The following SENP8 variants were observed in gnomAD, a reference collection of about 807,000 sequenced individuals.
The protein encoded by SENP8 is SUMO peptidase family member, NEDD8 specific, also known as sentrin-specific protease 8.
A neutral mutation model predicts 14.4 loss-of-function variants in SENP8; 10 were observed. That is an observed-to-expected ratio of 0.69 (90% CI 0.43 to 1.18). The LOEUF (loss-of-function observed/expected upper bound fraction) is 1.18, where lower values mean the gene tolerates loss of function less well. SENP8 is among the 50% of genes most tolerant of loss of function. The pLI is 0.00. For missense variants in SENP8, 202 were observed against 249.4 expected (o/e 0.81, Z 1.28); for synonymous variants, 94 against 95.5 (o/e 0.98, Z 0.09).
intron 1 of SENP8, among the ~76,000 whole-genome samples, chr15:72,125,403 G>A (rs112296116): frequency 6.6e-6 from 1 of 151,704 alleles, no homozygotes; most frequent in African/African-American, 2.4e-5. Context: ...CTTTTCATGT[G>A]TTTATTGACT....
At chr15:72,120,190 A>G (rs1250231448) in intron 1 of SENP8, among the ~76,000 whole-genome samples, 1 of 152,278 alleles carries the variant, frequency 6.6e-6, no homozygotes, top group Non-Finnish European at 1.5e-5. Context: ...GTAATGAGAT[A>G]TAAAGATATT....
chr15:72,125,641 C>T (rs2925651), intron 1 of SENP8, among the ~76,000 whole-genome samples: 2,439 of 150,882 alleles, frequency 0.016, 73 homozygotes, highest in African/African-American at 0.054. Flanking sequence ...AGATATTCCT[C>T]CAAAAAAAAG....
At chr15:72,115,068 T>C (rs562717061), upstream of SENP8, among the ~76,000 whole-genome samples, 1 of 152,158 alleles carries the variant, frequency 6.6e-6, no homozygotes, top group Non-Finnish European at 1.5e-5. Flanking sequence ...ACTACTAAAA[T>C]AACTAAGGGA....
At chr15:72,128,176 T>C (rs761776106) in intron 1 of SENP8, among the ~76,000 whole-genome samples, 2 of 152,102 alleles carry the variant, frequency 1.3e-5, no homozygotes, top group African/African-American at 2.4e-5. Context: ...AGAAAAAAAC[T>C]AACTCTTGGA....
At chr15:72,122,734 G>A (rs2081180076) in intron 1 of SENP8, among the ~76,000 whole-genome samples, 1 of 152,212 alleles carries the variant, frequency 6.6e-6, no homozygotes, top group Non-Finnish European at 1.5e-5. Flanking sequence ...TTTTGCGGGA[G>A]GAGGAGGAGT....
Position 72,121,819 on chromosome 15 carries a change from A to G in SENP8, c.-48+3355A>G, listed in dbSNP as rs887928684. Among the ~76,000 whole-genome samples, 11 of 152,356 alleles carry G rather than the reference A, an allele frequency of 7.2e-5. No individual in the cohort carries two copies. The South Asian group carries it at 1.0e-3, about 14-fold the overall frequency. On this transcript the variant is annotated intron_variant, in intron 1 of 1. Coordinates refer to ENST00000340912, the MANE Select transcript of SENP8 (RefSeq NM_145204.4). ...AGTAACATACATTGGAATAAATGGC[A>G]TACCTGTCAACAGGAATATATACCC...
At chr15:72,115,144 G>GT (rs1192918478), upstream of SENP8, among the ~76,000 whole-genome samples, 2 of 152,192 alleles carry the variant, frequency 1.3e-5, no homozygotes, top group African/African-American at 2.4e-5. Flanking sequence ...ACTAGAATAA[G>GT]TTTTTTAAAG....
Position 72,142,834 on chromosome 15 carries a change from T to C in SENP8, c.*2572T>C, listed in dbSNP as rs1236682899. 1.3e-5 allele frequency: 2 copies of C among 152,250 alleles called. No homozygotes were observed. Among genetic ancestry groups the C allele is most frequent in the African/African-American group, 2.4e-5 (1 of 41,460 alleles). 9.4% of individuals were successfully genotyped at this position (152,250 alleles called of 1,614,324 possible). On this transcript the variant is annotated 3_prime_UTR_variant, in exon 2 of 2. Transcript: ENST00000340912. ...AATTATTTTGACTATACTATAATTT[T>C]ACAATATGCATATTGACCGTATGTT...
upstream of SENP8, chr15:72,116,995 C>T: frequency 6.6e-6 from 1 of 152,156 alleles, no homozygotes; most frequent in Non-Finnish European, 1.5e-5. Flanking sequence ...GCAAATATTC[C>T]CTCAGGATTT....
chr15:72,139,411 G>A, intron 1 of SENP8, 166 bp from the exon 2 acceptor site: 1 of 562,616 alleles, frequency 1.8e-6, no homozygotes, highest in Admixed American at 3.5e-5. Context: ...TCTCAGGGGT[G>A]GCAGAGGCAA....
At chr15:72,122,435 A>G (rs975977658) in intron 1 of SENP8, among the ~76,000 whole-genome samples, 1 of 152,180 alleles carries the variant, frequency 6.6e-6, no homozygotes, top group African/African-American at 2.4e-5. Flanking sequence ...TTTGAAACTG[A>G]TCAATACCGG....
In SENP8 at chr15:72,124,828, C is replaced by T. The variant is rs2081201116; in HGVS notation, c.-48+6364C>T. 2.0e-5 allele frequency among the ~76,000 whole-genome samples: 3 copies of T among 151,730 alleles called. 1 individual carries two copies. The South Asian group carries it at 6.2e-4, about 32-fold the overall frequency. On this transcript the variant is annotated intron_variant, in intron 1 of 1. Transcript: ENST00000340912. ...ATATCAAAAGGTAGAAGGAAAAAGG[C>T]AAAAAAGTATTAATCCTATTTCTTA... is the stretch of plus-strand genomic sequence containing the variant.
At chr15:72,130,557 ATT>A (rs11411490) in intron 1 of SENP8, among the ~76,000 whole-genome samples, 10 of 106,120 alleles carry the variant, frequency 9.4e-5, no homozygotes, top group African/African-American at 2.5e-4. Flanking sequence ...ATGTTTTAGG[ATT>A]TTTTTTTTTT....
chr15:72,137,454 A>G (rs887943757), intron 1 of SENP8, among the ~76,000 whole-genome samples: 5 of 152,166 alleles, frequency 3.3e-5, no homozygotes, highest in African/African-American at 1.2e-4. Context: ...TATATTGTAA[A>G]CATTACTTCA....
At chr15:72,116,736 T>C (rs1215300300), upstream of SENP8, 1 of 152,264 alleles carries the variant, frequency 6.6e-6, no homozygotes, top group African/African-American at 2.4e-5. Context: ...GACATAGTTA[T>C]ATCCACTAGT....
intron 1 of SENP8, among the ~76,000 whole-genome samples, chr15:72,128,319 T>C (rs991616017): frequency 1.3e-5 from 2 of 152,236 alleles, no homozygotes; most frequent in African/African-American, 4.8e-5. Context: ...TAAATGTTTC[T>C]CTCCTGTACA....
At chr15:72,124,626 G>A (rs2081199163) in intron 1 of SENP8, among the ~76,000 whole-genome samples, 1 of 152,106 alleles carries the variant, frequency 6.6e-6, no homozygotes, top group African/African-American at 2.4e-5. Flanking sequence ...AAAGAGATTA[G>A]ATTTACCTGT....
chr15:72,142,006 T>C lies in SENP8; in HGVS notation c.*1744T>C, dbSNP rs2081383862. ...TATCTTTCTGACAATGCAAAGTATG[T>C]TTATTTAAATATCAGAGTATCTTCA... is the stretch of plus-strand genomic sequence containing the variant. On this transcript the variant is annotated 3_prime_UTR_variant, in exon 2 of 2. Transcript: ENST00000340912. 1 of 152,232 alleles carries C rather than the reference T, an allele frequency of 6.6e-6. No individual in the cohort carries two copies. Among genetic ancestry groups the C allele is most frequent in the Non-Finnish European group, 1.5e-5 (1 of 68,040 alleles). The allele number at this position is 152,232 out of a possible 1,614,324, so 9.4% of individuals were successfully genotyped here. A position where few individuals can be genotyped will look rare whatever the true frequency, so the allele number is the denominator to read the frequency against.
chr15:72,120,941 G>A (rs1197192848), intron 1 of SENP8, among the ~76,000 whole-genome samples: 2 of 152,230 alleles, frequency 1.3e-5, no homozygotes, highest in Non-Finnish European at 2.9e-5. Flanking sequence ...CCCAGTCTAA[G>A]TTCACAGAAC....
Sources: gnomAD v4.1 joint callset for allele counts (sites outside exome capture counted in the v4.1 genomes callset) on GRCh38, gnomAD v4.1.1 for gene constraint, MANE v1.5 for transcripts, NCBI Gene and HGNC (gene_info 2026-07-23, HGNC 2026-07-21) for gene names.